Variants in POMT1 observed in about 807,000 individuals in gnomAD.
POMT1 encodes protein O-mannosyl-transferase 1.
POMT1 carries 85 observed loss-of-function variants against 101.6 expected under a neutral mutation model. That is an observed-to-expected ratio of 0.84 (90% CI 0.70 to 1.00). POMT1 has a LOEUF of 1.00. Among genes scored for constraint, POMT1 ranks in the 50% least tolerant of loss-of-function variants. The pLI is 0.00. For missense variants in POMT1, 857 were observed against 930.4 expected, an observed-to-expected ratio of 0.92 and a Z score of 1.03; for synonymous variants, 371 against 383.0, an observed-to-expected ratio of 0.97 and a Z score of 0.37.
chr9:131,510,145 C>A, intron 8 of POMT1, 115 bp from the exon 9 acceptor site: 2 of 1,609,096 alleles, frequency 1.2e-6, no homozygotes, highest in African/African-American at 2.7e-5. Context: ...TCTGCAGGTG[C>A]CTCTGTATGG....
chr9:131,518,096 A>T, intron 13 of POMT1: 1 of 385,994 alleles, frequency 2.6e-6, no homozygotes. Context: ...GAGTCCTGCC[A>T]GATAGGGACT....
At chr9:131,504,870 C>T (rs1233397501) in intron 2 of POMT1, among the ~76,000 whole-genome samples, 1 of 151,254 alleles carries the variant, frequency 6.6e-6, no homozygotes, top group African/African-American at 2.4e-5. Flanking sequence ...CCTCTGCCTC[C>T]TGGGTTCAAG....
Position 131,510,389 on chromosome 9 carries a change from T to C in POMT1, c.829T>C (p.Ser277Pro). Residue 277 changes from serine to proline, a missense_variant, in exon 9 of 20, where the codon TCC (serine) becomes CCC (proline). Ser to Pro is a moderately conservative substitution (Grantham distance 74, BLOSUM62 -1). Coordinates refer to ENST00000402686, the MANE Select transcript of POMT1 (RefSeq NM_001077365.2). ...CTCTGGGCCCCACGACCAAATCATGTCCAGTGCCTTCCAGGCCAGCTTAGA... is the reference window on the plus strand; with the variant it reads ...CTCTGGGCCCCACGACCAAATCATGCCCAGTGCCTTCCAGGCCAGCTTAGA... ...FRSGPHDQIM[S>P]SAFQASLEGG... 1 of 1,614,174 alleles carries C rather than the reference T, an allele frequency of 6.2e-7. No homozygotes were observed.
intron 5 of POMT1, among the ~76,000 whole-genome samples, chr9:131,508,366 A>C (rs1051411856): frequency 2.0e-5 from 3 of 151,904 alleles, no homozygotes; most frequent in African/African-American, 7.3e-5. Flanking sequence ...CCCCATCTCT[A>C]CTAAAAATAC....
intron 2 of POMT1, 105 bp from the exon 3 acceptor site, chr9:131,506,009 C>G (rs1415326508): frequency 1.4e-6 from 2 of 1,479,488 alleles, no homozygotes; most frequent in Admixed American, 3.7e-5. Flanking sequence ...TTGCTGATCA[C>G]TCACTCAAAG....
chr9:131,520,136 A>C lies in POMT1; in HGVS notation c.1641A>C (p.Pro547=), dbSNP rs932156935. The change falls in exon 17 of 20, where the codon CCA becomes CCC. Residue 547 remains proline (P), a synonymous_variant. Transcript: ENST00000402686. ...DDSEHKYSSS[P]LEWVTLDTNI... Reference sequence around the variant, plus strand: ...CGGAACACAAGTACAGCTCCAGCCCACTGGAGTGGGTCACCCTGGACACCA... The same window carrying C: ...CGGAACACAAGTACAGCTCCAGCCCCCTGGAGTGGGTCACCCTGGACACCA... 7 of 1,613,720 alleles carry C rather than the reference A, an allele frequency of 4.3e-6. No homozygotes were observed. The African/African-American group carries it at 8.0e-5, about 18-fold the overall frequency.
At chr9:131,521,005 C>G in intron 17 of POMT1, 1 of 356,714 alleles carries the variant, frequency 2.8e-6, no homozygotes, top group South Asian at 2.2e-5. Flanking sequence ...CAATGCCCAG[C>G]TAATTTTTGT....
At position 131,522,040 on chromosome 9, in the gene POMT1, C is replaced by A. The variant is rs148180760; in HGVS notation, c.1826-7C>A. On this transcript the variant is annotated splice_polypyrimidine_tract_variant and splice_region_variant and intron_variant, in intron 18 of 19. Coordinates refer to ENST00000402686, the MANE Select transcript of POMT1 (RefSeq NM_001077365.2). This position sits in a 1 kb window ranked among gnomAD's most constrained non-coding sequence, Gnocchi z 5.5. ...AGAGTCGGTGTAGCTCGAGCCCTTTCCTATAGATGCCTGGCTGCGCTGGGT... is the reference window on the plus strand; with the variant it reads ...AGAGTCGGTGTAGCTCGAGCCCTTTACTATAGATGCCTGGCTGCGCTGGGT... The A allele has an allele frequency of 0.011, 17,628 of 1,613,792 alleles. 147 individuals carry two copies. The highest frequency in any genetic ancestry group is 0.014 in the Non-Finnish European group (16,034 of 1,179,936).
rs766635497 is a variant in POMT1, at chr9:131,522,228, C to T, written c.2003+4C>T. ...ACATCAGCGACCACCTGTGCAGGTA[C>T]GGGGGCTGCGGAGACAGTGGCTGGA... On this transcript the variant is annotated splice_donor_region_variant and intron_variant, in intron 19 of 19. Transcript: ENST00000402686. This position sits in a 1 kb window ranked among gnomAD's most constrained non-coding sequence, Gnocchi z 5.5. The T allele has an allele frequency of 6.8e-6, 11 of 1,613,314 alleles. No homozygotes were observed. Among genetic ancestry groups the T allele is most frequent in the East Asian group, 2.2e-5 (1 of 44,880 alleles).
In POMT1 at chr9:131,519,070, A is replaced by T; in HGVS notation, c.1486+113A>T. 1 of 1,511,794 alleles carries T rather than the reference A, an allele frequency of 6.6e-7. No homozygotes were observed. The highest frequency in any genetic ancestry group is 9.0e-7 in the Non-Finnish European group (1 of 1,115,354). 93.6% of individuals were successfully genotyped at this position (1,511,794 alleles called of 1,614,324 possible). On this transcript the variant is annotated intron_variant, in intron 15 of 19. Transcript: ENST00000402686. This position sits in a 1 kb window ranked among gnomAD's most constrained non-coding sequence, Gnocchi z 4.3. The stretch of plus-strand genomic sequence containing the variant: ...GGGAAGGGAACTGAGCACATTCTCC[A>T]TGCTCGGTGGCAGGTCATCTCCCTC...
chr9:131,519,266 G>T lies in POMT1; in HGVS notation c.1487-123G>T. Reference sequence around the variant, plus strand: ...TGGGGAAAGCTAAGTGGAATGATGCGGTTCGATAAGGGGTCTTTGTTAGAA... The same window carrying T: ...TGGGGAAAGCTAAGTGGAATGATGCTGTTCGATAAGGGGTCTTTGTTAGAA... On this transcript the variant is annotated intron_variant, in intron 15 of 19. Transcript: ENST00000402686. This position sits in a 1 kb window ranked among gnomAD's most constrained non-coding sequence, Gnocchi z 4.3. 1.0e-6 allele frequency: 1 copy of T among 1,000,942 alleles called. No individual in the cohort carries two copies. Among genetic ancestry groups the T allele is most frequent in the Non-Finnish European group, 1.5e-6 (1 of 657,654 alleles). 62.0% of individuals were successfully genotyped at this position (1,000,942 alleles called of 1,614,324 possible). A position where few individuals can be genotyped will look rare whatever the true frequency, so the allele number is the denominator to read the frequency against.
In POMT1 at chr9:131,510,202, A is replaced by G. The variant is rs1337863603; in HGVS notation, c.700-58A>G. 3.7e-6 allele frequency: 6 copies of G among 1,612,784 alleles called. No homozygotes were observed. The Admixed American group carries it at 5.0e-5, about 14-fold the overall frequency. The stretch of plus-strand genomic sequence containing the variant: ...AACTTTTTCTAAGCTCACAATGTCT[A>G]GAGGTGGGTACGCTTTTCCACGCAG... On this transcript the variant is annotated intron_variant, in intron 8 of 19. Coordinates refer to ENST00000402686, the MANE Select transcript of POMT1 (RefSeq NM_001077365.2).
chr9:131,504,840 G>A (rs1200807890), intron 2 of POMT1, among the ~76,000 whole-genome samples: 1 of 151,026 alleles, frequency 6.6e-6, no homozygotes, highest in African/African-American at 2.4e-5. Flanking sequence ...GTGCAGTGGT[G>A]CCATCTCGGC....
chr9:131,511,130 C>A, intron 9 of POMT1: 1 of 576,708 alleles, frequency 1.7e-6, no homozygotes, highest in Non-Finnish European at 3.0e-6. Context: ...GAGTGCCTGG[C>A]CCAGAGGCAG....
chr9:131,518,614 C>T lies in POMT1; in HGVS notation c.1365+77C>T, dbSNP rs115274090. The T allele has an allele frequency of 1.3e-3, 1,885 of 1,453,396 alleles. 9 individuals carry two copies. The African/African-American group carries it at 0.016, about 13-fold the overall frequency. 90.0% of individuals were successfully genotyped at this position (1,453,396 alleles called of 1,614,324 possible). On this transcript the variant is annotated intron_variant, in intron 14 of 19. Transcript: ENST00000402686. ...GTTTCCCAAGCCCCTCAGGCTTCACCGCCTCTCTGCAGGCGGAACGCTTCA... is the reference window on the plus strand; with the variant it reads ...GTTTCCCAAGCCCCTCAGGCTTCACTGCCTCTCTGCAGGCGGAACGCTTCA...
chr9:131,522,538 A>C lies in POMT1; in HGVS notation c.2003+314A>C. 1 of 540,874 alleles carries C rather than the reference A, an allele frequency of 1.8e-6. No homozygotes were observed. The highest frequency in any genetic ancestry group is 3.3e-6 in the Non-Finnish European group (1 of 302,012). The allele number at this position is 540,874 out of a possible 1,614,324, so 33.5% of individuals were successfully genotyped here. On this transcript the variant is annotated intron_variant, in intron 19 of 19. Transcript: ENST00000402686. This position sits in a 1 kb window ranked among gnomAD's most constrained non-coding sequence, Gnocchi z 5.5. ...AGGCCCAGGAGCCTGGGGTGTCAGA[A>C]ACGGCAGCTGGTTATGGTCGGGTTG...
At chr9:131,505,988 A>G in intron 2 of POMT1, 126 bp from the exon 3 acceptor site, 1 of 1,314,848 alleles carries the variant, frequency 7.6e-7, no homozygotes, top group Non-Finnish European at 1.1e-6. Context: ...TTGGGGCAAA[A>G]GATCCAGCCT....
intron 5 of POMT1, among the ~76,000 whole-genome samples, chr9:131,508,613 C>T (rs1038741900): frequency 2.6e-5 from 4 of 152,098 alleles, no homozygotes; most frequent in African/African-American, 2.4e-5. Context: ...GCAGGAGGAT[C>T]CCTTGAGCCC....
In POMT1 at chr9:131,507,354, G is replaced by A. The variant is rs779114707; in HGVS notation, c.281-14G>A. The A allele has an allele frequency of 1.2e-6, 2 of 1,614,046 alleles. No homozygotes were observed. Among genetic ancestry groups the A allele is most frequent in the Admixed American group, 3.3e-5 (2 of 60,016 alleles). ...CACAGTGTAGTCAGCTCTGCAGTGT[G>A]GTTGCTTTTCCAGAATACAGTAGCA... On this transcript the variant is annotated splice_polypyrimidine_tract_variant and intron_variant, in intron 4 of 19. Coordinates refer to ENST00000402686, the MANE Select transcript of POMT1 (RefSeq NM_001077365.2).
Sources: allele counts gnomAD v4.1 joint callset (sites outside exome capture counted in the v4.1 genomes callset), GRCh38; gene constraint gnomAD v4.1.1; non-coding constraint Gnocchi (gnomAD v3.1); transcripts MANE v1.5; gene names NCBI Gene and HGNC (gene_info 2026-07-23, HGNC 2026-07-21).